The following CDH18 variants were observed in gnomAD, a reference collection of about 807,000 sequenced individuals.
The protein encoded by CDH18 is cadherin-18.
Under a neutral mutation model 67.9 loss-of-function variants are expected in CDH18, and 31 were observed. The ratio of observed to expected loss-of-function variants is 0.46; its 90% CI spans 0.34 to 0.62. The LOEUF (loss-of-function observed/expected upper bound fraction) is 0.62. Among genes scored for constraint, CDH18 ranks in the 20% least tolerant of loss-of-function variants. The pLI, the probability that CDH18 is intolerant of heterozygous loss-of-function variation, is 0.01. For synonymous variants in CDH18, 362 were observed against 347.2 expected (o/e 1.04, Z -0.48); for missense variants, 890 against 975.5 (o/e 0.91, Z 1.17).
rs113871421 is a variant in CDH18 at position 19,959,429 on chromosome 5, A to C, written c.-257+21631T>G. ...AATAGTTTTCAAATACATTTTATAAACATAATTGTAAGTATACTGTATTTA... is the reference window on the plus strand; with the variant it reads ...AATAGTTTTCAAATACATTTTATAACCATAATTGTAAGTATACTGTATTTA... On this transcript the variant is annotated intron_variant, in intron 2 of 12. Transcript: ENST00000382275. Among the ~76,000 whole-genome samples the C allele has an allele frequency of 3.1e-3, 473 of 152,174 alleles. 10 individuals carry two copies. Among genetic ancestry groups the C allele is most frequent in the African/African-American group, 9.2e-3 (381 of 41,494 alleles).
chr5:20,144,565 A>G (rs1053429666), intron 2 of CDH18, among the ~76,000 whole-genome samples: 1 of 152,102 alleles, frequency 6.6e-6, no homozygotes, highest in African/African-American at 2.4e-5. Flanking sequence ...TAATATTTAG[A>G]TGGGATTTTA....
chr5:19,860,239 AC>A (rs1316769928), intron 2 of CDH18, among the ~76,000 whole-genome samples: 2 of 151,910 alleles, frequency 1.3e-5, no homozygotes, highest in Non-Finnish European at 2.9e-5. Flanking sequence ...CCTCAACCAG[AC>A]CCTTTGCTCT....
chr5:20,219,444 A>G (rs908034374), intron 2 of CDH18, among the ~76,000 whole-genome samples: 1 of 151,782 alleles, frequency 6.6e-6, no homozygotes, highest in African/African-American at 2.4e-5. Flanking sequence ...TCAGAAAAAT[A>G]GCAGAGGAAG....
At chr5:20,079,037 T>C (rs909375902) in intron 2 of CDH18, among the ~76,000 whole-genome samples, 1 of 152,228 alleles carries the variant, frequency 6.6e-6, no homozygotes, top group Non-Finnish European at 1.5e-5. Flanking sequence ...TAGTATAGTA[T>C]ATCCATCTCT....
At chr5:19,915,800 C>G (rs146266827) in intron 2 of CDH18, among the ~76,000 whole-genome samples, 395 of 148,968 alleles carry the variant, frequency 2.7e-3, no homozygotes, top group African/African-American at 9.2e-3. Flanking sequence ...TTCTAATTTT[C>G]TATTTGTATA....
chr5:19,914,963 T>A (rs895088350), intron 2 of CDH18, among the ~76,000 whole-genome samples: 1 of 152,246 alleles, frequency 6.6e-6, no homozygotes, highest in East Asian at 1.9e-4. Context: ...ATTACTTTAT[T>A]TCCTCCCCGA....
At chr5:20,149,462 GGGTAGT>G in intron 2 of CDH18, among the ~76,000 whole-genome samples, 1 of 152,226 alleles carries the variant, frequency 6.6e-6, no homozygotes, top group East Asian at 1.9e-4. Flanking sequence ...ATATCGGACA[GGGTAGT>G]GAAGGGAGTC....
At chr5:19,740,701 T>A (rs1206732447) in intron 4 of CDH18, among the ~76,000 whole-genome samples, 1 of 152,166 alleles carries the variant, frequency 6.6e-6, no homozygotes, top group Non-Finnish European at 1.5e-5. Flanking sequence ...TCTAAAATCA[T>A]TCACTTGACA....
In CDH18 at chr5:19,960,850, C is replaced by G. The variant is rs566569904; in HGVS notation, c.-257+20210G>C. Among the ~76,000 whole-genome samples, 7 of 149,928 alleles carry G rather than the reference C, an allele frequency of 4.7e-5. No homozygotes were observed. The South Asian group carries it at 1.5e-3, about 31-fold the overall frequency. On this transcript the variant is annotated intron_variant, in intron 2 of 12. Coordinates refer to ENST00000382275, the MANE Select transcript of CDH18 (RefSeq NM_004934.5). ...AAATATACATACATATATGTAAACA[C>G]TGTATGTAAAATAACAATAAAAACT...
At chr5:19,537,498 G>T (rs929310506) in intron 9 of CDH18, among the ~76,000 whole-genome samples, 1 of 151,116 alleles carries the variant, frequency 6.6e-6, no homozygotes, top group African/African-American at 2.4e-5. Flanking sequence ...CCTCCCTATC[G>T]CTCTGTTTCT....
At chr5:19,885,147 T>A (rs933140709) in intron 2 of CDH18, among the ~76,000 whole-genome samples, 2 of 152,176 alleles carry the variant, frequency 1.3e-5, no homozygotes, top group African/African-American at 4.8e-5. Context: ...GGGAATGAAC[T>A]CTGGTGCCAA....
chr5:20,095,209 C>T (rs989171019), intron 2 of CDH18, among the ~76,000 whole-genome samples: 29 of 150,754 alleles, frequency 1.9e-4, no homozygotes, highest in African/African-American at 6.3e-4. Flanking sequence ...ATGTAGATGA[C>T]GGGTTGATGG....
At chr5:19,938,947 T>G (rs952627080) in intron 2 of CDH18, among the ~76,000 whole-genome samples, 4 of 151,316 alleles carry the variant, frequency 2.6e-5, no homozygotes, top group Admixed American at 2.6e-4. Context: ...ATTTTTAATG[T>G]ACTTAAATAC....
chr5:19,862,552 G>A (rs1051488501), intron 2 of CDH18, among the ~76,000 whole-genome samples: 2 of 152,136 alleles, frequency 1.3e-5, no homozygotes, highest in Non-Finnish European at 2.9e-5. Context: ...TGAAATAGGA[G>A]GATTCTCACC....
At chr5:20,556,540 A>C (rs1381169758) in intron 1 of CDH18, among the ~76,000 whole-genome samples, 1 of 152,170 alleles carries the variant, frequency 6.6e-6, no homozygotes, top group East Asian at 1.9e-4. Flanking sequence ...GTATCCTCAG[A>C]TGCTCACTCC....
chr5:19,593,590 C>A (rs1200902357), intron 6 of CDH18, among the ~76,000 whole-genome samples: 3 of 144,162 alleles, frequency 2.1e-5, no homozygotes, highest in Admixed American at 7.0e-5. Flanking sequence ...GTCTCCCCCT[C>A]CCCTTCTACT....
At chr5:20,092,701 T>A (rs555744388) in intron 2 of CDH18, among the ~76,000 whole-genome samples, 1 of 152,184 alleles carries the variant, frequency 6.6e-6, no homozygotes, top group Non-Finnish European at 1.5e-5. Context: ...ATGCTTATCA[T>A]TTGCTTGCCA....
chr5:20,061,172 C>T (rs1359108079), intron 2 of CDH18, among the ~76,000 whole-genome samples: 2 of 151,800 alleles, frequency 1.3e-5, no homozygotes, highest in African/African-American at 2.4e-5. Flanking sequence ...TATATATCTC[C>T]CACAATACCA....
chr5:20,304,032 C>T (rs561153457), intron 1 of CDH18: 9 of 1,493,204 alleles, frequency 6.0e-6, no homozygotes, highest in South Asian at 1.1e-5. Flanking sequence ...ATTCCGCAGC[C>T]GACTTCGCGT....
Sources: gnomAD v4.1 joint callset for allele counts (sites outside exome capture counted in the v4.1 genomes callset) on GRCh38, gnomAD v4.1.1 for gene constraint, MANE v1.5 for transcripts, NCBI Gene and HGNC (gene_info 2026-07-23, HGNC 2026-07-21) for gene names.